The following PPP2R2B variants were observed in gnomAD, a reference collection of about 807,000 sequenced individuals.
PPP2R2B encodes serine/threonine-protein phosphatase 2A 55 kDa regulatory subunit B beta isoform.
In PPP2R2B, 5 loss-of-function variants were observed where a neutral mutation model predicts 46.0. The ratio of observed to expected loss-of-function variants is 0.11; its 90% CI spans 0.06 to 0.23. The LOEUF (loss-of-function observed/expected upper bound fraction) is 0.23. Ranked by LOEUF, PPP2R2B falls within the 10% of genes least tolerant of loss-of-function variation. PPP2R2B has a pLI of 1.00. For synonymous variants in PPP2R2B, 215 were observed against 206.7 expected (o/e 1.04, Z -0.34); for missense variants, 367 against 575.0 (o/e 0.64, Z 3.70).
At chr5:147,065,332 T>C (rs1757387181) in intron 2 of PPP2R2B, among the ~76,000 whole-genome samples, 1 of 152,090 alleles carries the variant, frequency 6.6e-6, no homozygotes, top group Admixed American at 6.6e-5. Flanking sequence ...AAAATATTTC[T>C]GGCAAAGGAG....
rs1182270240 is a variant in PPP2R2B at position 146,842,515 on chromosome 5, A to C, written c.70+35487T>G. Among the ~76,000 whole-genome samples, 4 of 147,182 alleles carry C rather than the reference A, an allele frequency of 2.7e-5. No individual in the cohort carries two copies. The East Asian group carries it at 7.9e-4, about 29-fold the overall frequency. On this transcript the variant is annotated intron_variant, in intron 2 of 9. Transcript: ENST00000394411. ...TTTTTTTTTTAAAGTTCAGGGTTAC[A>C]TGTGCAGGATGTGCAAGTTTTTTAC...
At chr5:146,851,061 T>C (rs1561958509) in intron 2 of PPP2R2B, among the ~76,000 whole-genome samples, 3 of 152,248 alleles carry the variant, frequency 2.0e-5, no homozygotes, top group South Asian at 4.1e-4. Flanking sequence ...GTCCTTTTTA[T>C]CATATCGAAA....
At chr5:146,629,492 TG>T (rs1443703713) in intron 7 of PPP2R2B, among the ~76,000 whole-genome samples, 1 of 152,184 alleles carries the variant, frequency 6.6e-6, no homozygotes. Flanking sequence ...CTCCAGACAG[TG>T]GCAACAACCT....
chr5:147,079,170 T>G (rs561378128), intron 2 of PPP2R2B, among the ~76,000 whole-genome samples: 13 of 151,862 alleles, frequency 8.6e-5, no homozygotes, highest in Admixed American at 8.5e-4. Context: ...ATCTCAAAAA[T>G]AGATGAGTTT....
intron 2 of PPP2R2B, among the ~76,000 whole-genome samples, chr5:146,849,932 C>G (rs1760239652): frequency 6.6e-6 from 1 of 152,112 alleles, no homozygotes; most frequent in East Asian, 1.9e-4. Context: ...ACTCCAATAG[C>G]ACAGCAGAAA....
chr5:146,848,697 TC>T (rs1257615125), intron 2 of PPP2R2B, among the ~76,000 whole-genome samples: 1 of 152,172 alleles, frequency 6.6e-6, no homozygotes, highest in Non-Finnish European at 1.5e-5. Context: ...GTAAAGTTAC[TC>T]CCCTCTCCTC....
At chr5:146,852,620 G>A (rs1350853112) in intron 2 of PPP2R2B, among the ~76,000 whole-genome samples, 1 of 152,130 alleles carries the variant, frequency 6.6e-6, no homozygotes, top group Admixed American at 6.6e-5. Flanking sequence ...TTGTAGTGGA[G>A]ACATGCTCTT....
At chr5:146,830,966 C>T (rs1319954703) in intron 2 of PPP2R2B, among the ~76,000 whole-genome samples, 2 of 152,088 alleles carry the variant, frequency 1.3e-5, no homozygotes, top group Admixed American at 6.6e-5. Context: ...AGTGATGTTG[C>T]AGCCATCATA....
intron 4 of PPP2R2B, among the ~76,000 whole-genome samples, chr5:146,694,029 G>A (rs2151157543): frequency 6.6e-6 from 1 of 152,208 alleles, no homozygotes; most frequent in Non-Finnish European, 1.5e-5. Flanking sequence ...TCATGCCTTT[G>A]GGCGGACAGA....
intron 2 of PPP2R2B, among the ~76,000 whole-genome samples, chr5:146,833,836 A>G (rs1284529567): frequency 2.0e-5 from 3 of 150,808 alleles, no homozygotes; most frequent in Admixed American, 1.3e-4. Context: ...AATAGTTGGC[A>G]TCCCCCAAAA....
At chr5:146,967,897 A>C (rs1752499133) in intron 1 of PPP2R2B, among the ~76,000 whole-genome samples, 1 of 152,146 alleles carries the variant, frequency 6.6e-6, no homozygotes. Flanking sequence ...ACTGCAGCAA[A>C]CAAGCTAGTG....
At chr5:146,971,538 G>A (rs1207575947) in intron 1 of PPP2R2B, among the ~76,000 whole-genome samples, 1 of 152,128 alleles carries the variant, frequency 6.6e-6, no homozygotes, top group African/African-American at 2.4e-5. Flanking sequence ...CTTTTTCTAT[G>A]AGAAATAATG....
chr5:147,080,286 G>A (rs989063002), intron 2 of PPP2R2B, among the ~76,000 whole-genome samples: 3 of 152,110 alleles, frequency 2.0e-5, no homozygotes, highest in South Asian at 4.1e-4. Context: ...TTAGACCTGT[G>A]TTATACCACA....
intron 2 of PPP2R2B, among the ~76,000 whole-genome samples, chr5:146,872,033 T>C (rs1049341631): frequency 2.6e-5 from 4 of 152,202 alleles, no homozygotes; most frequent in Non-Finnish European, 5.9e-5. Context: ...TGGACCCCTA[T>C]TTCTTCTTAA....
At chr5:146,692,551 TGAGAC>T (rs1778920868) in intron 4 of PPP2R2B, among the ~76,000 whole-genome samples, 1 of 137,050 alleles carries the variant, frequency 7.3e-6, no homozygotes, top group Non-Finnish European at 1.6e-5. Flanking sequence ...TTTTTTTTTT[TGAGAC>T]AGAGTCTCGC....
chr5:146,686,819 C>T lies in PPP2R2B; in HGVS notation c.447+4309G>A, dbSNP rs376516675. ...AGTGTGATTTCTCACCACCCAACTT[C>T]CATTTCAGGCTGATTAAGTCACTTT... On this transcript the variant is annotated intron_variant, in intron 5 of 9. Coordinates refer to ENST00000394411, the MANE Select transcript of PPP2R2B (RefSeq NM_181675.4). Among the ~76,000 whole-genome samples the T allele has an allele frequency of 1.1e-4, 17 of 152,270 alleles. No homozygotes were observed. The East Asian group carries it at 1.5e-3, about 14-fold the overall frequency.
chr5:147,064,952 A>T (rs1462331761), intron 2 of PPP2R2B, among the ~76,000 whole-genome samples: 1 of 152,198 alleles, frequency 6.6e-6, no homozygotes, highest in East Asian at 1.9e-4. Flanking sequence ...TGCTGATTGG[A>T]AAGCTAGTAT....
In PPP2R2B at chr5:146,820,578, T is replaced by C. The variant is rs138223984; in HGVS notation, c.70+57424A>G. The stretch of plus-strand genomic sequence containing the variant: ...AAAAGCACACTACTGCAATATTATA[T>C]ATAAAAAACGCCATGCTGTTTGGGG... On this transcript the variant is annotated intron_variant, in intron 2 of 9. Coordinates refer to ENST00000394411, the MANE Select transcript of PPP2R2B (RefSeq NM_181675.4). Among the ~76,000 whole-genome samples the C allele has an allele frequency of 2.6e-5, 4 of 152,284 alleles. No homozygotes were observed. The East Asian group carries it at 7.7e-4, about 29-fold the overall frequency.
At chr5:146,740,573 TCACACACACACA>T (rs3995489) in intron 2 of PPP2R2B, among the ~76,000 whole-genome samples, 9,378 of 138,052 alleles carry the variant, frequency 0.068, 444 homozygotes, top group African/African-American at 0.14. Context: ...TAAAATGAGA[TCACACACACACA>T]CACACACACA....
Sources: gnomAD v4.1 joint callset for allele counts (sites outside exome capture counted in the v4.1 genomes callset) on GRCh38, gnomAD v4.1.1 for gene constraint, MANE v1.5 for transcripts, NCBI Gene and HGNC (gene_info 2026-07-23, HGNC 2026-07-21) for gene names.